Variants in SPON1 observed in about 807,000 individuals in gnomAD.
SPON1 encodes spondin 1.
A neutral mutation model predicts 111.7 loss-of-function variants in SPON1; 52 were observed. The observed-to-expected ratio is 0.47, with a 90% CI of 0.37 to 0.59. The LOEUF (loss-of-function observed/expected upper bound fraction) is 0.59. Among genes scored for constraint, SPON1 ranks in the 20% least tolerant of loss-of-function variants. The probability of loss-of-function intolerance (pLI) is 0.00; values close to 1 mark genes in which losing one functional copy is unlikely to be tolerated. For missense variants in SPON1, 957 were observed against 1,068.5 expected (o/e 0.90, Z 1.46); for synonymous variants, 410 against 395.8 (o/e 1.04, Z -0.43).
At chr11:14,236,323 G>A (rs942581681) in intron 6 of SPON1, among the ~76,000 whole-genome samples, 25 of 152,066 alleles carry the variant, frequency 1.6e-4, no homozygotes, top group Non-Finnish European at 5.9e-5. Flanking sequence ...TTGCAGGGTG[G>A]GAGAGAAAGA....
chr11:14,073,862 T>C (rs1848896398), intron 3 of SPON1, among the ~76,000 whole-genome samples: 1 of 152,054 alleles, frequency 6.6e-6, no homozygotes, highest in South Asian at 2.1e-4. Context: ...AATACACCAG[T>C]AAATATAATG....
intron 6 of SPON1, among the ~76,000 whole-genome samples, chr11:14,238,270 C>G (rs538393219): frequency 9.3e-4 from 141 of 152,200 alleles, no homozygotes; most frequent in Middle Eastern, 3.4e-3. Flanking sequence ...GGGCATCAGG[C>G]AAGTTGGCCA....
intron 15 of SPON1, among the ~76,000 whole-genome samples, chr11:14,265,128 C>A (rs189879144): frequency 1.2e-4 from 19 of 152,276 alleles, no homozygotes; most frequent in Admixed American, 1.0e-3. Context: ...ACCTGCGTAT[C>A]TGGGGCCTCA....
chr11:14,090,872 C>A (rs1327309446), intron 5 of SPON1, among the ~76,000 whole-genome samples: 1 of 127,922 alleles, frequency 7.8e-6, no homozygotes, highest in Non-Finnish European at 1.6e-5. Flanking sequence ...TGGTAGAGCC[C>A]AGTAGCCTGT....
intron 6 of SPON1, among the ~76,000 whole-genome samples, chr11:14,139,339 G>C (rs1277891385): frequency 2.0e-5 from 3 of 152,100 alleles, no homozygotes; most frequent in African/African-American, 7.2e-5. Context: ...GGCTTTCCCT[G>C]ATTCTGTACT....
At chr11:14,157,467 C>A (rs1207861227) in intron 6 of SPON1, among the ~76,000 whole-genome samples, 1 of 151,330 alleles carries the variant, frequency 6.6e-6, no homozygotes, top group African/African-American at 2.4e-5. Context: ...AAGATTTTGT[C>A]TTTATCTCTG....
chr11:14,058,181 G>A (rs73422183), intron 3 of SPON1, among the ~76,000 whole-genome samples: 213 of 152,242 alleles, frequency 1.4e-3, no homozygotes, highest in African/African-American at 5.0e-3. Context: ...GTTCAATCAG[G>A]AAGGCAGGCA....
chr11:14,051,462 G>C (rs1564894073), intron 3 of SPON1, among the ~76,000 whole-genome samples: 1 of 152,018 alleles, frequency 6.6e-6, no homozygotes, highest in Non-Finnish European at 1.5e-5. Flanking sequence ...CTGGAGCCCA[G>C]GAGATTGAGG....
chr11:14,063,999 C>T (rs1554920138), intron 3 of SPON1, among the ~76,000 whole-genome samples: 1 of 152,180 alleles, frequency 6.6e-6, no homozygotes, highest in East Asian at 1.9e-4. Flanking sequence ...GGAGTTTGTG[C>T]TTCTTGCCAG....
At chr11:14,224,501 C>G (rs1380815870) in intron 6 of SPON1, among the ~76,000 whole-genome samples, 3 of 152,038 alleles carry the variant, frequency 2.0e-5, no homozygotes, top group Non-Finnish European at 4.4e-5. Context: ...TATGGAGGAC[C>G]CTGGGTTCAG....
chr11:13,965,399 G>A (rs1049671694), intron 1 of SPON1, among the ~76,000 whole-genome samples: 1 of 152,180 alleles, frequency 6.6e-6, no homozygotes, highest in Non-Finnish European at 1.5e-5. Context: ...CCGTGTTTTA[G>A]TTGAGCATTG....
chr11:14,053,710 G>A (rs951150820), intron 3 of SPON1, among the ~76,000 whole-genome samples: 1 of 152,164 alleles, frequency 6.6e-6, no homozygotes, highest in Non-Finnish European at 1.5e-5. Context: ...TCCATAGGAA[G>A]GACAGTAATG....
intron 4 of SPON1, among the ~76,000 whole-genome samples, chr11:14,077,763 G>T (rs1411516858): frequency 6.6e-6 from 1 of 151,492 alleles, no homozygotes; most frequent in Non-Finnish European, 1.5e-5. Flanking sequence ...GGAATTACAG[G>T]CATGAGCTAC....
rs1364740181 is a variant in SPON1, at chr11:14,009,269, C to A, written c.345+26316C>A. The stretch of plus-strand genomic sequence containing the variant: ...TAACAGCCCAAAAGGCCCAGAAAGG[C>A]CTGACCCCTACTCATCTCTCCACCT... On this transcript the variant is annotated intron_variant, in intron 2 of 15. Transcript: ENST00000576479. Among the ~76,000 whole-genome samples the A allele has an allele frequency of 3.3e-5, 5 of 152,186 alleles. No individual in the cohort carries two copies. The East Asian group carries it at 9.6e-4, about 29-fold the overall frequency.
At chr11:14,098,058 C>G (rs191809050) in intron 5 of SPON1, among the ~76,000 whole-genome samples, 1 of 152,146 alleles carries the variant, frequency 6.6e-6, no homozygotes, top group Admixed American at 6.5e-5. Context: ...TGCAGTGGCA[C>G]GATCTCAGCT....
chr11:14,031,340 C>T (rs1364444025), intron 2 of SPON1, among the ~76,000 whole-genome samples: 2 of 152,130 alleles, frequency 1.3e-5, no homozygotes, highest in African/African-American at 4.8e-5. Flanking sequence ...AAAAAGGATG[C>T]TATAACTTTT....
At chr11:14,094,954 T>G (rs1240775880) in intron 5 of SPON1, among the ~76,000 whole-genome samples, 1 of 152,210 alleles carries the variant, frequency 6.6e-6, no homozygotes, top group Non-Finnish European at 1.5e-5. Context: ...TTCACATCTC[T>G]TTTAACAGTA....
intron 3 of SPON1, among the ~76,000 whole-genome samples, chr11:14,061,942 A>C (rs1229694846): frequency 6.6e-6 from 1 of 152,248 alleles, no homozygotes; most frequent in Non-Finnish European, 1.5e-5. Context: ...ATGTGGTCTT[A>C]ATCACACACA....
chr11:13,985,205 G>A (rs917854946), intron 2 of SPON1, among the ~76,000 whole-genome samples: 3 of 152,104 alleles, frequency 2.0e-5, no homozygotes, highest in Non-Finnish European at 4.4e-5. Flanking sequence ...ACAGGATGTC[G>A]TCCATCATCA....
Sources: allele counts gnomAD v4.1 joint callset (sites outside exome capture counted in the v4.1 genomes callset), GRCh38; gene constraint gnomAD v4.1.1; transcripts MANE v1.5; gene names NCBI Gene and HGNC (gene_info 2026-07-23, HGNC 2026-07-21).